Variants in EYS observed in about 807,000 individuals in gnomAD.
EYS encodes the protein protein eyes shut homolog.
Under a neutral mutation model 282.1 loss-of-function variants are expected in EYS, and 250 were observed. That is an observed-to-expected ratio of 0.89 (90% CI 0.80 to 0.98). EYS has a LOEUF of 0.98. Among genes scored for constraint, EYS ranks in the 50% least tolerant of loss-of-function variants. The pLI is 0.00. For synonymous variants in EYS, 1,355 were observed against 1,282.9 expected (o/e 1.06, Z -1.20); for missense variants, 4,016 against 3,709.0 (o/e 1.08, Z -2.15).
chr6:64,187,917 G>A (rs1764995655), intron 31 of EYS, among the ~76,000 whole-genome samples: 1 of 151,706 alleles, frequency 6.6e-6, no homozygotes, highest in Admixed American at 6.6e-5. Flanking sequence ...ATGTTAACTG[G>A]AGTTAGCATC....
chr6:64,945,804 G>A lies in EYS; in HGVS notation c.2370C>T (p.Tyr790=), dbSNP rs1439242117. ...AATATGTTACTCACCGATAGCTTTT[G>A]TAAAGGTCAGTACAGGTGGAATTGT... ...CKNNSTCTDL[Y]KSYRCECTSG... The change falls in exon 15 of 43, where the codon TAC becomes TAT. Residue 790 remains tyrosine (Y), a synonymous_variant. Transcript: ENST00000503581. The A allele has an allele frequency of 6.5e-7, 1 of 1,549,226 alleles. No individual in the cohort carries two copies. Among genetic ancestry groups the A allele is most frequent in the Non-Finnish European group, 8.7e-7 (1 of 1,145,564 alleles).
At chr6:65,623,706 T>C (rs1259529442) in intron 2 of EYS, among the ~76,000 whole-genome samples, 1 of 152,214 alleles carries the variant, frequency 6.6e-6, no homozygotes, top group Non-Finnish European at 1.5e-5. Flanking sequence ...TAAATAAACA[T>C]GGAATTATTT....
At chr6:65,511,461 T>C (rs1384430987) in intron 2 of EYS, among the ~76,000 whole-genome samples, 2 of 152,052 alleles carry the variant, frequency 1.3e-5, no homozygotes, top group Non-Finnish European at 2.9e-5. Context: ...CTTTGCTTGC[T>C]TCATCTCCCA....
chr6:64,309,790 C>A (rs1004537659), intron 29 of EYS, among the ~76,000 whole-genome samples: 3 of 151,818 alleles, frequency 2.0e-5, no homozygotes, highest in Non-Finnish European at 4.4e-5. Context: ...CATGGTGAAA[C>A]CCTGTCTCAA....
At chr6:64,069,419 T>C (rs1266540090) in intron 32 of EYS, among the ~76,000 whole-genome samples, 1 of 152,076 alleles carries the variant, frequency 6.6e-6, no homozygotes, top group Non-Finnish European at 1.5e-5. Flanking sequence ...TTCTATTGTT[T>C]TTATCAGTAT....
At chr6:64,791,419 T>A (rs530292597) in intron 22 of EYS, among the ~76,000 whole-genome samples, 1 of 151,956 alleles carries the variant, frequency 6.6e-6, no homozygotes, top group East Asian at 1.9e-4. Flanking sequence ...CAATGTACCA[T>A]AAAGCTGTTT....
chr6:64,400,211 A>G (rs1773499957), intron 28 of EYS: 1 of 151,988 alleles, frequency 6.6e-6, no homozygotes, highest in Admixed American at 6.6e-5. Flanking sequence ...CACCATCGGG[A>G]ATACTATTAT....
chr6:65,362,282 C>A (rs893969576), intron 8 of EYS, among the ~76,000 whole-genome samples: 4 of 152,022 alleles, frequency 2.6e-5, no homozygotes, highest in African/African-American at 9.7e-5. Flanking sequence ...GAAATTGTCC[C>A]AGTTCTCTTA....
At chr6:64,011,944 G>C (rs991320208) in intron 33 of EYS, among the ~76,000 whole-genome samples, 1 of 151,886 alleles carries the variant, frequency 6.6e-6, no homozygotes, top group Non-Finnish European at 1.5e-5. Context: ...ACACTGGCTT[G>C]TTTATTTTAG....
chr6:65,008,598 A>G (rs979020016), intron 13 of EYS, among the ~76,000 whole-genome samples: 7 of 152,210 alleles, frequency 4.6e-5, no homozygotes, highest in Admixed American at 2.0e-4. Flanking sequence ...CACTTTAAAA[A>G]AGATTGTCCA....
At chr6:65,066,031 A>G (rs1352348310) in intron 12 of EYS, among the ~76,000 whole-genome samples, 1 of 152,198 alleles carries the variant, frequency 6.6e-6, no homozygotes, top group Non-Finnish European at 1.5e-5. Context: ...TAATTAGTTC[A>G]ATGACAACCA....
chr6:64,013,258 G>A (rs930942062), intron 33 of EYS, among the ~76,000 whole-genome samples: 3 of 152,014 alleles, frequency 2.0e-5, no homozygotes, highest in East Asian at 1.9e-4. Context: ...TTTTCTTTCC[G>A]ACTACGCTAT....
intron 22 of EYS, among the ~76,000 whole-genome samples, chr6:64,752,199 T>C (rs548946593): frequency 6.6e-5 from 10 of 151,540 alleles, no homozygotes; most frequent in Non-Finnish European, 1.3e-4. Context: ...AAATGTGATT[T>C]AAAAAAAACT....
chr6:65,093,385 C>T (rs1305239807), intron 12 of EYS, among the ~76,000 whole-genome samples: 1 of 151,728 alleles, frequency 6.6e-6, no homozygotes. Context: ...TACTGTAATA[C>T]CATAATGATA....
chr6:65,537,518 G>GCACA (rs3049757), intron 2 of EYS, among the ~76,000 whole-genome samples: 10 of 151,160 alleles, frequency 6.6e-5, no homozygotes, highest in South Asian at 4.2e-4. Context: ...TATATAACAT[G>GCACA]CACACACACA....
At chr6:64,692,745 G>A (rs1770432606) in intron 22 of EYS, among the ~76,000 whole-genome samples, 1 of 152,066 alleles carries the variant, frequency 6.6e-6, no homozygotes, top group Non-Finnish European at 1.5e-5. Flanking sequence ...ATTGAATAAG[G>A]AGCCCTTTCT....
chr6:64,288,446 C>T (rs913840966), intron 30 of EYS, among the ~76,000 whole-genome samples: 1 of 152,060 alleles, frequency 6.6e-6, no homozygotes, highest in Non-Finnish European at 1.5e-5. Flanking sequence ...GAGACTCAGA[C>T]CACTCCTTCC....
chr6:63,929,853 A>T (rs1382265989), intron 35 of EYS, among the ~76,000 whole-genome samples: 2 of 152,100 alleles, frequency 1.3e-5, no homozygotes, highest in Non-Finnish European at 2.9e-5. Context: ...AATTCTGTTA[A>T]TTTTATGCTA....
chr6:65,047,941 C>T (rs1314992668), intron 13 of EYS, among the ~76,000 whole-genome samples: 2 of 151,818 alleles, frequency 1.3e-5, no homozygotes, highest in Non-Finnish European at 2.9e-5. Context: ...CAGCTTGAGG[C>T]AAAACACAGA....
Sources: allele counts gnomAD v4.1 joint callset (sites outside exome capture counted in the v4.1 genomes callset), GRCh38; gene constraint gnomAD v4.1.1; transcripts MANE v1.5; gene names NCBI Gene and HGNC (gene_info 2026-07-23, HGNC 2026-07-21).